Variants in SDK1 observed in about 807,000 individuals in gnomAD.
SDK1 encodes the protein protein sidekick-1.
A neutral mutation model predicts 245.5 loss-of-function variants in SDK1; 157 were observed. The observed-to-expected ratio is 0.64, with a 90% CI of 0.56 to 0.73. The LOEUF is 0.73. Among genes scored for constraint, SDK1 ranks in the 30% least tolerant of loss-of-function variants. The probability of loss-of-function intolerance (pLI) is 0.00; values close to 1 mark genes in which losing one functional copy is unlikely to be tolerated. For missense variants in SDK1, 3,583 were observed against 3,002.3 expected, an observed-to-expected ratio of 1.19 and a Z score of -4.52; for synonymous variants, 1,647 against 1,278.5, an observed-to-expected ratio of 1.29 and a Z score of -6.15.
chr7:3,420,112 C>A (rs1029598601), intron 1 of SDK1, among the ~76,000 whole-genome samples: 1 of 152,134 alleles, frequency 6.6e-6, no homozygotes, highest in African/African-American at 2.4e-5. Context: ...GGAAAGCATA[C>A]CCCAGAGCAA....
chr7:3,761,018 T>G (rs1562423554), intron 4 of SDK1, among the ~76,000 whole-genome samples: 1 of 152,214 alleles, frequency 6.6e-6, no homozygotes, highest in Non-Finnish European at 1.5e-5. Context: ...CTACATGTAA[T>G]TTTTTGGGAA....
At chr7:4,143,568 C>T (rs1005718567) in intron 28 of SDK1, among the ~76,000 whole-genome samples, 4 of 152,290 alleles carry the variant, frequency 2.6e-5, no homozygotes, top group East Asian at 1.9e-4. Context: ...ATTGGCAGAG[C>T]GGGATTCCAG....
intron 1 of SDK1, among the ~76,000 whole-genome samples, chr7:3,437,396 A>C (rs767615698): frequency 6.6e-6 from 1 of 152,200 alleles, no homozygotes; most frequent in Non-Finnish European, 1.5e-5. Context: ...AATGTTTTGC[A>C]GTGTGTAGAG....
intron 2 of SDK1, among the ~76,000 whole-genome samples, chr7:3,629,872 T>C (rs190596792): frequency 2.5e-4 from 38 of 152,224 alleles, no homozygotes; most frequent in African/African-American, 8.9e-4. Context: ...ACACAGTTAT[T>C]AGAGTTAACA....
At chr7:3,953,761 T>G (rs1781017827) in intron 7 of SDK1, among the ~76,000 whole-genome samples, 1 of 152,254 alleles carries the variant, frequency 6.6e-6, no homozygotes, top group Non-Finnish European at 1.5e-5. Flanking sequence ...TTCTCTCGAG[T>G]TAGCACCTCT....
intron 13 of SDK1, among the ~76,000 whole-genome samples, chr7:3,981,339 G>A (rs913531941): frequency 3.9e-5 from 6 of 152,096 alleles, no homozygotes; most frequent in South Asian, 2.1e-4. Context: ...GTCTCCCTCC[G>A]TCTCCTTGGG....
chr7:4,234,179 C>A (rs1168661004), intron 41 of SDK1, among the ~76,000 whole-genome samples: 1 of 152,186 alleles, frequency 6.6e-6, no homozygotes, highest in Non-Finnish European at 1.5e-5. Flanking sequence ...CTGCTCTGGG[C>A]TCAAGGTGAG....
intron 5 of SDK1, among the ~76,000 whole-genome samples, chr7:3,915,277 G>T (rs1280157007): frequency 6.6e-6 from 1 of 152,178 alleles, no homozygotes; most frequent in Non-Finnish European, 1.5e-5. Flanking sequence ...GGAGCCAGGG[G>T]AGTCTTTGGT....
Position 4,267,547 on chromosome 7 carries a change from T to G in SDK1, c.*2163T>G, listed in dbSNP as rs1788545593. On this transcript the variant is annotated 3_prime_UTR_variant, in exon 45 of 45. Coordinates refer to ENST00000404826, the MANE Select transcript of SDK1 (RefSeq NM_152744.4). ...GAAGCCAGGATGTGAGCACTGGAATTTCTTGGAAGAGAAGCGATAAATGGA... is the reference window on the plus strand; with the variant it reads ...GAAGCCAGGATGTGAGCACTGGAATGTCTTGGAAGAGAAGCGATAAATGGA... The G allele has an allele frequency of 7.1e-6, 7 of 985,366 alleles. No homozygotes were observed. Among genetic ancestry groups the G allele is most frequent in the Non-Finnish European group, 8.4e-6 (7 of 829,966 alleles). 61.0% of individuals were successfully genotyped at this position (985,366 alleles called of 1,614,324 possible). A position where few individuals can be genotyped will look rare whatever the true frequency, so the allele number is the denominator to read the frequency against.
chr7:3,746,392 TTAAAA>T (rs1342792842), intron 4 of SDK1, among the ~76,000 whole-genome samples: 7 of 152,192 alleles, frequency 4.6e-5, no homozygotes, highest in African/African-American at 9.7e-5. Flanking sequence ...TGGCAACTTC[TTAAAA>T]TAAGACAACA....
intron 1 of SDK1, among the ~76,000 whole-genome samples, chr7:3,492,773 G>T (rs189127188): frequency 6.6e-6 from 1 of 152,158 alleles, no homozygotes; most frequent in East Asian, 1.9e-4. Flanking sequence ...GGCAATAATG[G>T]CAAACAGAAC....
intron 1 of SDK1, among the ~76,000 whole-genome samples, chr7:3,369,282 C>T (rs527395653): frequency 6.6e-6 from 1 of 152,144 alleles, no homozygotes; most frequent in African/African-American, 2.4e-5. Context: ...CTTAAGCAGT[C>T]CACCTGCCTC....
At chr7:3,452,715 T>C (rs1241963233) in intron 1 of SDK1, among the ~76,000 whole-genome samples, 2 of 152,134 alleles carry the variant, frequency 1.3e-5, no homozygotes, top group African/African-American at 4.8e-5. Context: ...ATATACATAG[T>C]CATTGACTTT....
intron 17 of SDK1, among the ~76,000 whole-genome samples, chr7:4,034,413 G>A (rs1788066386): frequency 6.6e-6 from 1 of 152,120 alleles, no homozygotes; most frequent in African/African-American, 2.4e-5. Flanking sequence ...GAGTGTTCTT[G>A]GAAGTACATA....
chr7:4,138,386 G>A (rs1216770441), intron 28 of SDK1, among the ~76,000 whole-genome samples: 5 of 152,206 alleles, frequency 3.3e-5, no homozygotes, highest in African/African-American at 4.8e-5. Context: ...TGCAGAAATC[G>A]CAGAATGAAA....
rs566671246 is a variant in SDK1 at position 3,756,433 on chromosome 7, A to G, written c.714-65017A>G. 2.8e-3 allele frequency among the ~76,000 whole-genome samples: 431 copies of G among 152,104 alleles called. 3 individuals carry two copies. Among genetic ancestry groups the G allele is most frequent in the Admixed American group, 8.2e-3 (126 of 15,292 alleles). On this transcript the variant is annotated intron_variant, in intron 4 of 44. Transcript: ENST00000404826. ...ATGTTTTGAACCTGACTCCTTTCAC[A>G]TGGCATAGCACATGTGACACATGTA...
At chr7:4,032,967 T>C (rs1413226542) in intron 17 of SDK1, among the ~76,000 whole-genome samples, 2 of 152,030 alleles carry the variant, frequency 1.3e-5, no homozygotes, top group African/African-American at 4.8e-5. Context: ...GAAAAGTTAA[T>C]TTAAAATTCA....
chr7:3,942,002 A>T (rs1027713466), intron 5 of SDK1, among the ~76,000 whole-genome samples: 1 of 143,104 alleles, frequency 7.0e-6, no homozygotes. Flanking sequence ...TCCGCCTCCC[A>T]GGTTCATGCC....
chr7:3,961,823 G>A (rs1781704214), intron 8 of SDK1, among the ~76,000 whole-genome samples: 1 of 152,102 alleles, frequency 6.6e-6, no homozygotes, highest in African/African-American at 2.4e-5. Context: ...AAATACATAT[G>A]TAAATGTACA....
Sources: allele counts gnomAD v4.1 joint callset (sites outside exome capture counted in the v4.1 genomes callset), GRCh38; gene constraint gnomAD v4.1.1; transcripts MANE v1.5; gene names NCBI Gene and HGNC (gene_info 2026-07-23, HGNC 2026-07-21).